The following CNGB3 variants were observed in gnomAD, a reference collection of about 807,000 sequenced individuals.
CNGB3 encodes the protein cyclic nucleotide-gated channel beta-3.
A neutral mutation model predicts 92.8 loss-of-function variants in CNGB3; 86 were observed. That is an observed-to-expected ratio of 0.93 (90% CI 0.78 to 1.11). The LOEUF is 1.11. Among genes scored for constraint, CNGB3 ranks in the 50% least tolerant of loss-of-function variants. The probability of loss-of-function intolerance (pLI) is 0.00; values close to 1 mark genes in which losing one functional copy is unlikely to be tolerated. For missense variants in CNGB3, 1,026 were observed against 956.8 expected (o/e 1.07, Z -0.95); for synonymous variants, 333 against 332.7 (o/e 1.00, Z -0.01).
intron 6 of CNGB3, among the ~76,000 whole-genome samples, chr8:86,665,599 C>T (rs1823727297): frequency 6.6e-6 from 1 of 152,134 alleles, no homozygotes; most frequent in African/African-American, 2.4e-5. Context: ...TTTGCAGGAA[C>T]ATGGATGCAG....
At chr8:86,628,361 G>A (rs554508012) in intron 12 of CNGB3, among the ~76,000 whole-genome samples, 1 of 152,148 alleles carries the variant, frequency 6.6e-6, no homozygotes, top group Non-Finnish European at 1.5e-5. Context: ...GATTACAGGA[G>A]TAAGCCACCA....
At chr8:86,720,235 C>A (rs998199478) in intron 3 of CNGB3, among the ~76,000 whole-genome samples, 16 of 152,078 alleles carry the variant, frequency 1.1e-4, no homozygotes, top group African/African-American at 3.9e-4. Flanking sequence ...AGAAAATCTT[C>A]ACAATCTATA....
chr8:86,594,236 C>G, intron 15 of CNGB3: 1 of 262,766 alleles, frequency 3.8e-6, no homozygotes, highest in Non-Finnish European at 7.6e-6. Flanking sequence ...GCCCAACAAG[C>G]TGGAACCAGT....
chr8:86,658,318 T>TGCCCCCAGCAGGGCCC, intron 6 of CNGB3: 4 of 490,462 alleles, frequency 8.2e-6, no homozygotes, highest in African/African-American at 8.0e-5. Flanking sequence ...TCCGGGATGC[T>TGCCCCCAGCAGGGCCC]TGGCATGAGC....
chr8:86,657,940 G>T (rs1823546976), intron 6 of CNGB3: 2 of 552,024 alleles, frequency 3.6e-6, no homozygotes, highest in Admixed American at 3.8e-5. Context: ...CCATGCCCTG[G>T]CCTCCCCCTC....
intron 6 of CNGB3, chr8:86,659,791 T>C: frequency 2.6e-6 from 1 of 380,180 alleles, no homozygotes; most frequent in South Asian, 2.1e-5. Context: ...TGCTTTCAGT[T>C]GCTTGCTTTC....
At chr8:86,670,309 T>C (rs1823829397) in intron 4 of CNGB3, among the ~76,000 whole-genome samples, 1 of 152,154 alleles carries the variant, frequency 6.6e-6, no homozygotes. Flanking sequence ...GTATTTTAAA[T>C]ATTTACAATA....
intron 10 of CNGB3, among the ~76,000 whole-genome samples, chr8:86,640,614 G>A (rs1031419405): frequency 3.3e-5 from 5 of 152,010 alleles, no homozygotes; most frequent in Non-Finnish European, 7.4e-5. Context: ...CAGCTCATCA[G>A]AACACTCATT....
rs374455114 is a variant in CNGB3, at chr8:86,608,297, A to G, written c.1662+3291T>C. ...CAGTGAGAAGTGACCAGAAGACAAG[A>G]GTGCGAGCCTTCTGTTATGCCCAGA... On this transcript the variant is annotated intron_variant, in intron 14 of 17. Coordinates refer to ENST00000320005, the MANE Select transcript of CNGB3 (RefSeq NM_019098.5). Among the ~76,000 whole-genome samples, 324 of 152,352 alleles carry G rather than the reference A, an allele frequency of 2.1e-3. 1 individual carries two copies. Among genetic ancestry groups the G allele is most frequent in the South Asian group, 0.013 (65 of 4,830 alleles).
intron 15 of CNGB3, among the ~76,000 whole-genome samples, chr8:86,585,631 C>T (rs1821876418): frequency 6.6e-6 from 1 of 152,126 alleles, no homozygotes. Context: ...CACTTTGGCA[C>T]AGTGGGGCTT....
intron 10 of CNGB3, among the ~76,000 whole-genome samples, chr8:86,643,331 T>C (rs935018655): frequency 6.6e-6 from 1 of 151,576 alleles, no homozygotes; most frequent in Non-Finnish European, 1.5e-5. Context: ...GTACAATACA[T>C]GTTTTGAAAC....
intron 6 of CNGB3, chr8:86,661,666 C>T: frequency 1.1e-6 from 1 of 910,756 alleles, no homozygotes; most frequent in Non-Finnish European, 1.8e-6. Context: ...TATCTCCAGC[C>T]ATCTCTTCTT....
At chr8:86,741,734 G>A (rs1325014296) in intron 1 of CNGB3, among the ~76,000 whole-genome samples, 1 of 152,048 alleles carries the variant, frequency 6.6e-6, no homozygotes, top group African/African-American at 2.4e-5. Context: ...ACAAATTATG[G>A]CTGTTGGAAT....
intron 3 of CNGB3, among the ~76,000 whole-genome samples, chr8:86,673,432 G>A (rs1017723370): frequency 2.6e-5 from 4 of 152,052 alleles, no homozygotes; most frequent in South Asian, 2.1e-4. Flanking sequence ...TGTGTAGGGG[G>A]CCAGGTGGCA....
chr8:86,614,180 C>T (rs1822572481), intron 13 of CNGB3, among the ~76,000 whole-genome samples: 2 of 152,046 alleles, frequency 1.3e-5, no homozygotes, highest in African/African-American at 4.8e-5. Flanking sequence ...TTCCCAGTTC[C>T]TCAGTGTGGT....
At chr8:86,688,372 A>T (rs928353164) in intron 3 of CNGB3, among the ~76,000 whole-genome samples, 1 of 151,826 alleles carries the variant, frequency 6.6e-6, no homozygotes, top group African/African-American at 2.4e-5. Context: ...ATAAGCCTTA[A>T]TTTTTTTCAG....
At chr8:86,620,815 G>A (rs1300761915) in intron 13 of CNGB3, among the ~76,000 whole-genome samples, 5 of 152,044 alleles carry the variant, frequency 3.3e-5, no homozygotes, top group Non-Finnish European at 1.5e-5. Context: ...AAATAAATTT[G>A]TGTAAATTGC....
chr8:86,721,300 G>T (rs1824967888), intron 3 of CNGB3, among the ~76,000 whole-genome samples: 1 of 152,092 alleles, frequency 6.6e-6, no homozygotes. Flanking sequence ...TATTCTAAGT[G>T]AAGTAACTCA....
intron 13 of CNGB3, among the ~76,000 whole-genome samples, chr8:86,617,347 TAA>T (rs1822640513): frequency 6.6e-6 from 1 of 152,218 alleles, no homozygotes; most frequent in South Asian, 2.1e-4. Context: ...ACTGTGAATT[TAA>T]GTCACTCCCA....
Sources: gnomAD v4.1 joint callset for allele counts (sites outside exome capture counted in the v4.1 genomes callset) on GRCh38, gnomAD v4.1.1 for gene constraint, MANE v1.5 for transcripts, NCBI Gene and HGNC (gene_info 2026-07-23, HGNC 2026-07-21) for gene names.